The following RBFOX1 variants were observed in gnomAD, a reference collection of about 807,000 sequenced individuals.
RBFOX1 encodes the protein RNA binding protein fox-1 homolog 1.
Under a neutral mutation model 57.7 loss-of-function variants are expected in RBFOX1, and 8 were observed. That is an observed-to-expected ratio of 0.14 (90% confidence interval 0.08 to 0.25). The LOEUF is 0.25. RBFOX1 is among the 10% of genes least tolerant of loss of function. The pLI is 1.00. For missense variants in RBFOX1, 611 were observed against 548.5 expected, an observed-to-expected ratio of 1.11 and a Z score of -1.14; for synonymous variants, 326 against 222.4, an observed-to-expected ratio of 1.47 and a Z score of -4.15.
At position 5,339,699 on chromosome 16, in the gene RBFOX1, G is replaced by A. The variant is rs548527030; in HGVS notation, c.219+99594G>A. 6.6e-5 allele frequency among the ~76,000 whole-genome samples: 10 copies of A among 151,818 alleles called. No homozygotes were observed. The South Asian group carries it at 1.0e-3, about 16-fold the overall frequency. ...TCACTGTGTTGTCCAGGCTGGTCTC[G>A]AACTCCTGAACTCAGGTGATCCACC... is the stretch of plus-strand genomic sequence containing the variant. On this transcript the variant is annotated intron_variant, in intron 1 of 2. Transcript: ENST00000585867.
intron 3 of RBFOX1, among the ~76,000 whole-genome samples, chr16:6,789,352 T>C (rs868554048): frequency 1.3e-5 from 2 of 152,168 alleles, no homozygotes; most frequent in African/African-American, 4.8e-5. Flanking sequence ...CGCTTTGAGA[T>C]GTATTCCAGA....
intron 1 of RBFOX1, among the ~76,000 whole-genome samples, chr16:5,432,902 C>T (rs574874045): frequency 6.6e-6 from 1 of 152,234 alleles, no homozygotes; most frequent in Admixed American, 6.5e-5. Context: ...CCTCCCATCT[C>T]AGCCTCCTGA....
chr16:6,704,375 A>T (rs943995538), intron 3 of RBFOX1: 2 of 152,226 alleles, frequency 1.3e-5, no homozygotes, highest in African/African-American at 2.4e-5. Flanking sequence ...CTGCAGCCAA[A>T]CCTAGACAAA....
rs539169022 is a variant in RBFOX1 at position 7,551,088 on chromosome 16, C to CAAA, written c.271-28674_271-28672dup. 5.8e-3 allele frequency among the ~76,000 whole-genome samples: 443 copies of CAAA among 76,610 alleles called. 10 individuals are homozygous for CAAA. The highest frequency in any genetic ancestry group is 0.037 in the Admixed American group (235 of 6,388). The allele number at this position is 76,610 out of a possible 152,430, so 50.3% of individuals were successfully genotyped here. A position where few individuals can be genotyped will look rare whatever the true frequency, so the allele number is the denominator to read the frequency against. The stretch of plus-strand genomic sequence containing the variant: ...CAGCCTGGGCAACAAGAGCGAGACT[C>CAAA]AAAAAAAAAAAAAAAAAGAAAAAAA... On this transcript the variant is annotated intron_variant, in intron 5 of 15. Coordinates refer to ENST00000550418, the MANE Select transcript of RBFOX1 (RefSeq NM_018723.4).
intron 3 of RBFOX1, among the ~76,000 whole-genome samples, chr16:6,852,599 C>G (rs2094129991): frequency 6.6e-6 from 1 of 152,118 alleles, no homozygotes; most frequent in Non-Finnish European, 1.5e-5. Flanking sequence ...AACTAGCTGT[C>G]CAGATGAGAT....
At chr16:7,468,642 G>C (rs1003604261) in intron 4 of RBFOX1, among the ~76,000 whole-genome samples, 2 of 152,118 alleles carry the variant, frequency 1.3e-5, no homozygotes, top group African/African-American at 4.8e-5. Flanking sequence ...TTATGTGTTG[G>C]TGAAAATGCC....
At chr16:6,351,472 C>G (rs1188689210) in intron 2 of RBFOX1, among the ~76,000 whole-genome samples, 6 of 150,010 alleles carry the variant, frequency 4.0e-5, no homozygotes, top group Admixed American at 1.3e-4. Flanking sequence ...CTCCCAGGTT[C>G]AAGCGATTCT....
At chr16:5,467,304 A>C (rs2068984124) in intron 2 of RBFOX1, 1 of 1,439,562 alleles carries the variant, frequency 6.9e-7, no homozygotes. Flanking sequence ...GTCTAGTGGA[A>C]ATGAAAGCAA....
At chr16:7,370,209 C>T (rs760760522) in intron 4 of RBFOX1, among the ~76,000 whole-genome samples, 2 of 152,128 alleles carry the variant, frequency 1.3e-5, no homozygotes, top group African/African-American at 2.4e-5. Context: ...TGCCATTGTC[C>T]CCTGGGGAGG....
intron 3 of RBFOX1, among the ~76,000 whole-genome samples, chr16:5,807,422 G>A (rs1047343719): frequency 6.6e-6 from 1 of 152,148 alleles, no homozygotes; most frequent in African/African-American, 2.4e-5. Context: ...GAAAGCTGCT[G>A]TCTGACTGCT....
chr16:7,643,243 G>C (rs1030649419), intron 11 of RBFOX1, among the ~76,000 whole-genome samples: 1 of 152,168 alleles, frequency 6.6e-6, no homozygotes, highest in African/African-American at 2.4e-5. Context: ...TGTTAAGTTA[G>C]GGGAACTTTC....
rs553754218 is a variant in RBFOX1 at position 7,140,633 on chromosome 16, C to G, written c.27+88535C>G. Among the ~76,000 whole-genome samples, 4 of 152,242 alleles carry G rather than the reference C, an allele frequency of 2.6e-5. No individual in the cohort carries two copies. In the East Asian group the frequency reaches 7.7e-4, roughly 29 times the overall value. On this transcript the variant is annotated intron_variant, in intron 4 of 15. Transcript: ENST00000550418. The stretch of plus-strand genomic sequence containing the variant: ...GAATGTGGCATATTTCTAGGCAGAG[C>G]TCATCAATATCTGAACCAACAATTC...
intron 2 of RBFOX1, chr16:6,483,945 C>G (rs2095418701): frequency 9.5e-6 from 10 of 1,057,606 alleles, no homozygotes; most frequent in Non-Finnish European, 1.1e-5. Flanking sequence ...CTCCGGGGAC[C>G]TCGGAGACTG....
chr16:7,553,088 C>T (rs1303242799), intron 5 of RBFOX1, among the ~76,000 whole-genome samples: 2 of 152,084 alleles, frequency 1.3e-5, no homozygotes, highest in Non-Finnish European at 2.9e-5. Flanking sequence ...TCCTTCCCTC[C>T]TTCCTTTTTT....
At chr16:5,953,471 G>C (rs1192885709) in intron 4 of RBFOX1, among the ~76,000 whole-genome samples, 1 of 151,992 alleles carries the variant, frequency 6.6e-6, no homozygotes, top group African/African-American at 2.4e-5. Flanking sequence ...CCAGTTTGTA[G>C]TCTTTTATCC....
At chr16:7,508,864 C>G (rs894640536) in intron 4 of RBFOX1, among the ~76,000 whole-genome samples, 1 of 152,306 alleles carries the variant, frequency 6.6e-6, no homozygotes, top group South Asian at 2.1e-4. Context: ...GGGAAGATCT[C>G]TCTTTCCATA....
chr16:6,444,303 A>C (rs1163218166), intron 2 of RBFOX1, among the ~76,000 whole-genome samples: 1 of 152,066 alleles, frequency 6.6e-6, no homozygotes, highest in Admixed American at 6.5e-5. Flanking sequence ...CAAGGGCTCC[A>C]AAAGCCAATG....
chr16:5,976,503 G>A (rs1171405138), intron 4 of RBFOX1, among the ~76,000 whole-genome samples: 1 of 152,108 alleles, frequency 6.6e-6, no homozygotes, highest in Admixed American at 6.6e-5. Context: ...GAAATTCCAG[G>A]GTGGTCCACT....
At chr16:6,098,051 G>A (rs997181719) in intron 1 of RBFOX1, among the ~76,000 whole-genome samples, 2 of 152,162 alleles carry the variant, frequency 1.3e-5, no homozygotes, top group East Asian at 1.9e-4. Context: ...AAGGGGTTAT[G>A]CTATTTTTCA....
Sources: allele counts gnomAD v4.1 joint callset (sites outside exome capture counted in the v4.1 genomes callset), GRCh38; gene constraint gnomAD v4.1.1; transcripts MANE v1.5; gene names NCBI Gene and HGNC (gene_info 2026-07-23, HGNC 2026-07-21).